VPS37A: variants seen among roughly 807,000 people sequenced by gnomAD.
VPS37A encodes vacuolar protein sorting-associated protein 37A.
In VPS37A, 30 loss-of-function variants were observed where a neutral mutation model predicts 49.8. The observed-to-expected ratio is 0.60, with a 90% confidence interval of 0.45 to 0.82. The LOEUF is 0.82. Ranked by LOEUF, VPS37A falls within the 40% of genes least tolerant of loss-of-function variation. The pLI is 0.00. For missense variants in VPS37A, 593 were observed against 464.4 expected (o/e 1.28, Z -2.55); for synonymous variants, 195 against 160.6 (o/e 1.21, Z -1.62).
At chr8:17,277,076 A>T (rs1430729388) in intron 6 of VPS37A, among the ~76,000 whole-genome samples, 1 of 152,122 alleles carries the variant, frequency 6.6e-6, no homozygotes, top group African/African-American at 2.4e-5. Context: ...TACTAATAAG[A>T]CTACTGAATG....
intron 4 of VPS37A, 34 bp downstream of exon 4, chr8:17,268,990 C>G (rs775824725): frequency 9.0e-6 from 13 of 1,449,654 alleles, no homozygotes; most frequent in Non-Finnish European, 1.2e-5. Flanking sequence ...AAAAGTCTGC[C>G]TGTATTTTAA....
downstream of VPS37A, chr8:17,301,889 A>C (rs17687453): frequency 0.11 from 47,517 of 441,344 alleles, 2,837 homozygotes; most frequent in South Asian, 0.21. Flanking sequence ...CTCAAATAAC[A>C]GTAACCAAAC....
Position 17,274,765 on chromosome 8 carries a change from A to T in VPS37A, c.449A>T (p.Tyr150Phe), listed in dbSNP as rs748354857. ...LYSNPSGMSP[Y>F]ASQGFPFLPP... ...AGTAACCCAAGTGGGATGTCTCCTTATGCTTCTCAGGGTTTTCCATTTCTT... is the reference window on the plus strand; with the variant it reads ...AGTAACCCAAGTGGGATGTCTCCTTTTGCTTCTCAGGGTTTTCCATTTCTT... Residue 150 changes from tyrosine (Y) to phenylalanine (F), a missense_variant, in exon 5 of 12, where the codon TAT becomes TTT. Physicochemically the swap from Tyr to Phe is conservative, Grantham distance 22. Transcript: ENST00000324849. The T allele has an allele frequency of 5.6e-6, 9 of 1,614,058 alleles. No individual in the cohort carries two copies. The highest frequency in any genetic ancestry group is 1.3e-5 in the African/African-American group (1 of 75,024).
At chr8:17,330,645 A>T in the VPS37A span, among the ~76,000 whole-genome samples, 5 of 152,146 alleles carry the variant, frequency 3.3e-5, no homozygotes, top group African/African-American at 9.7e-5. Flanking sequence ...TGTTCGCCAT[A>T]TATGTCAAAG....
At chr8:17,315,848 C>CA in the VPS37A span, among the ~76,000 whole-genome samples, 38 of 152,070 alleles carry the variant, frequency 2.5e-4, no homozygotes, top group African/African-American at 5.8e-4. Context: ...TCAGGCTCTA[C>CA]AAAAAAGAGA....
At chr8:17,302,384 C>G (rs1817174841), downstream of VPS37A, 1 of 1,299,018 alleles carries the variant, frequency 7.7e-7, no homozygotes, top group Non-Finnish European at 1.0e-6. Flanking sequence ...TTAATAATAA[C>G]CAAATGCAAA....
chr8:17,249,589 A>G (rs1419551881), intron 1 of VPS37A, among the ~76,000 whole-genome samples: 5 of 152,198 alleles, frequency 3.3e-5, no homozygotes, highest in Admixed American at 2.0e-4. Context: ...GAATGGCACA[A>G]TCCTGGAAAA....
intron 3 of VPS37A, 82 bp downstream of exon 3, chr8:17,268,454 C>A: frequency 9.6e-7 from 1 of 1,047,084 alleles, no homozygotes; most frequent in Non-Finnish European, 1.4e-6. Flanking sequence ...ATCTGAAATG[C>A]ATTTAAAGTT....
downstream of VPS37A, chr8:17,301,763 T>G (rs1817128983): frequency 9.3e-6 from 2 of 215,652 alleles, no homozygotes; most frequent in Non-Finnish European, 1.8e-5. Context: ...CAATTATAGA[T>G]TAATATCATA....
At chr8:17,302,451 T>C (rs7007043), downstream of VPS37A, 225,587 of 660,080 alleles carry the variant, frequency 0.34, 43,688 homozygotes, top group East Asian at 0.62. Context: ...ATGTTTTTTT[T>C]CTTGGGTCAG....
At chr8:17,268,594 T>C (rs1813688234) in intron 3 of VPS37A, among the ~76,000 whole-genome samples, 1 of 152,202 alleles carries the variant, frequency 6.6e-6, no homozygotes, top group Non-Finnish European at 1.5e-5. Context: ...CTTTGAACCC[T>C]CAAATTATTG....
downstream of VPS37A, chr8:17,302,366 CCACAGT>C: frequency 8.4e-6 from 12 of 1,420,812 alleles, no homozygotes; most frequent in South Asian, 1.4e-5. Context: ...ATCTATGATA[CCACAGT>C]CTTAATAATA....
At chr8:17,325,941 G>A in the VPS37A span, among the ~76,000 whole-genome samples, 1 of 152,170 alleles carries the variant, frequency 6.6e-6, no homozygotes, top group Non-Finnish European at 1.5e-5. Flanking sequence ...CTTCCCAAGA[G>A]AAAGCATACC....
the VPS37A span, among the ~76,000 whole-genome samples, chr8:17,318,295 T>C: frequency 6.6e-6 from 1 of 152,158 alleles, no homozygotes; most frequent in Non-Finnish European, 1.5e-5. Context: ...CACCAAATGC[T>C]GCTTAGGAGC....
At chr8:17,281,478 T>A (rs1024515457) in intron 9 of VPS37A, among the ~76,000 whole-genome samples, 3 of 152,042 alleles carry the variant, frequency 2.0e-5, no homozygotes, top group Admixed American at 1.3e-4. Context: ...TACAAACTCT[T>A]AGTAAACTAA....
intron 1 of VPS37A, chr8:17,247,675 C>G: frequency 1.4e-6 from 1 of 703,322 alleles, no homozygotes; most frequent in Admixed American, 2.0e-5. Context: ...GTATCCCTTG[C>G]TGCCCAGGCT....
intron 11 of VPS37A, among the ~76,000 whole-genome samples, chr8:17,293,412 T>C (rs539419534): frequency 6.6e-6 from 1 of 152,216 alleles, no homozygotes; most frequent in East Asian, 1.9e-4. Flanking sequence ...ACATGCTCCT[T>C]TAGCTCTAAG....
At chr8:17,249,127 A>T (rs983340604) in intron 1 of VPS37A, among the ~76,000 whole-genome samples, 1 of 152,202 alleles carries the variant, frequency 6.6e-6, no homozygotes, top group Non-Finnish European at 1.5e-5. Context: ...AATATTTTCA[A>T]TGCTGACTAA....
At chr8:17,279,094 A>C (rs564070463) in intron 6 of VPS37A, among the ~76,000 whole-genome samples, 1 of 152,138 alleles carries the variant, frequency 6.6e-6, no homozygotes, top group African/African-American at 2.4e-5. Context: ...AAACATATCT[A>C]TAACTCTTAC....
Sources: allele counts gnomAD v4.1 joint callset (sites outside exome capture counted in the v4.1 genomes callset), GRCh38; gene constraint gnomAD v4.1.1; transcripts MANE v1.5; gene names NCBI Gene and HGNC (gene_info 2026-07-23, HGNC 2026-07-21).